ZFYVE16: variants seen among roughly 807,000 people sequenced by gnomAD.
ZFYVE16 encodes zinc finger FYVE domain-containing protein 16.
In ZFYVE16, 89 loss-of-function variants were observed where a neutral mutation model predicts 138.1. The observed-to-expected ratio is 0.64, with a 90% confidence interval of 0.54 to 0.77. The LOEUF is 0.77. Among genes scored for constraint, ZFYVE16 ranks in the 30% least tolerant of loss-of-function variants. The probability of loss-of-function intolerance (pLI) is 0.00; values close to 1 mark genes in which losing one functional copy is unlikely to be tolerated. For missense variants in ZFYVE16, 1,793 were observed against 1,786.7 expected (o/e 1.00, Z -0.06); for synonymous variants, 596 against 618.3 (o/e 0.96, Z 0.53).
Position 80,472,785 on chromosome 5 carries a change from C to G in ZFYVE16, c.4049C>G (p.Pro1350Arg), listed in dbSNP as rs200718663. Reference sequence around the variant, plus strand: ...GATGGCTTAATGGTACAAATAACTCCAGAGACCATGAATGGCTTGCGGCTA... The same window carrying G: ...GATGGCTTAATGGTACAAATAACTCGAGAGACCATGAATGGCTTGCGGCTA... ...VEDGLMVQIT[P>R]ETMNGLRLAL... is the part of the protein sequence containing the mutation. Residue 1350 changes from proline (P) to arginine (R), a missense_variant, in exon 16 of 19, where the codon CCA (proline) becomes CGA (arginine). Pro to Arg is a moderately radical substitution (Grantham distance 103). Transcript: ENST00000505560. 167 of 1,613,772 alleles carry G rather than the reference C, an allele frequency of 1.0e-4. No individual in the cohort carries two copies. In the East Asian group the frequency reaches 3.2e-3, roughly 31 times the overall value.
chr5:80,433,128 A>C (rs2112328552), intron 2 of ZFYVE16, among the ~76,000 whole-genome samples: 1 of 152,314 alleles, frequency 6.6e-6, no homozygotes, highest in Non-Finnish European at 1.5e-5. Flanking sequence ...CTATAAAGAC[A>C]CATGCACACA....
chr5:80,437,260 T>C lies in ZFYVE16; in HGVS notation c.575T>C (p.Ile192Thr), dbSNP rs2544600. ...SDTVREQQND[I>T]SSELQNREIG... The stretch of plus-strand genomic sequence containing the variant: ...ACTGTCAGAGAACAACAGAATGATA[T>C]CAGTTCTGAATTACAAAATAGAGAA... Residue 192 changes from isoleucine to threonine, a missense_variant, in exon 4 of 19, where the codon ATC (isoleucine) becomes ACC (threonine). This residue lies in a region of ZFYVE16 where 1,295 missense variants were observed against 1,204.3 expected (regional missense o/e 1.08). Coordinates refer to ENST00000505560, the MANE Select transcript of ZFYVE16 (RefSeq NM_001284236.3). 1,425,424 of 1,613,286 alleles carry C rather than the reference T, an allele frequency of 0.88. 637,752 individuals carry two copies. The highest frequency in any genetic ancestry group is 0.94 in the East Asian group (42,334 of 44,844).
intron 15 of ZFYVE16, among the ~76,000 whole-genome samples, chr5:80,471,122 C>T (rs903645566): frequency 9.2e-5 from 14 of 152,140 alleles, no homozygotes; most frequent in Admixed American, 2.6e-4. Context: ...AGCCTATAAA[C>T]GGATGCATGG....
chr5:80,451,806 G>C (rs1042775456), intron 11 of ZFYVE16, 97 bp downstream of exon 11: 10 of 1,193,474 alleles, frequency 8.4e-6, no homozygotes, highest in Non-Finnish European at 1.2e-5. Context: ...ATGGATTAAT[G>C]GAACTACTTT....
In ZFYVE16 at chr5:80,415,829, G is replaced by A. The variant is rs535076284; in HGVS notation, c.-94+7676G>A. Among the ~76,000 whole-genome samples the A allele has an allele frequency of 5.9e-5, 9 of 152,010 alleles. No homozygotes were observed. In the South Asian group the frequency reaches 1.5e-3, roughly 25 times the overall value. On this transcript the variant is annotated intron_variant, in intron 1 of 18. Transcript: ENST00000505560. ...ATTACAGGCACGTGCCACCACACCC[G>A]GCTAATTTTTGTATTTTTAGTAGAG... is the stretch of plus-strand genomic sequence containing the variant.
chr5:80,458,287 T>C (rs1752745418), intron 14 of ZFYVE16, among the ~76,000 whole-genome samples: 1 of 152,122 alleles, frequency 6.6e-6, no homozygotes, highest in Non-Finnish European at 1.5e-5. Flanking sequence ...AAGTTATTAA[T>C]ATTTATAGTG....
At position 80,437,823 on chromosome 5, in the gene ZFYVE16, G is replaced by A; in HGVS notation, c.1138G>A (p.Ala380Thr). 3 of 1,614,040 alleles carry A rather than the reference G, an allele frequency of 1.9e-6. No homozygotes were observed. Among genetic ancestry groups the A allele is most frequent in the Non-Finnish European group, 2.5e-6 (3 of 1,179,964 alleles). Residue 380 changes from alanine (A) to threonine (T), a missense_variant, in exon 4 of 19, where the codon GCG becomes ACG. Ala to Thr is a moderately conservative substitution (Grantham distance 58). Coordinates refer to ENST00000505560, the MANE Select transcript of ZFYVE16 (RefSeq NM_001284236.3). ...GCCGTCCTCATTGTCCTGTCTTCCT[G>A]CGTCTGGGTCTATGTGTGGATCATT... ...DVPSSLSCLP[A>T]SGSMCGSLIE...
intron 1 of ZFYVE16, among the ~76,000 whole-genome samples, chr5:80,419,947 G>A (rs1320778615): frequency 1.3e-5 from 2 of 151,580 alleles, no homozygotes; most frequent in Non-Finnish European, 2.9e-5. Flanking sequence ...GAGTAGCTGG[G>A]ATTACAGGTA....
At chr5:80,440,237 T>C (rs534843259) in intron 5 of ZFYVE16, 1 of 1,181,802 alleles carries the variant, frequency 8.5e-7, no homozygotes, top group African/African-American at 1.6e-5. Context: ...AAAGGAAGCA[T>C]TCAGTTTCTG....
At chr5:80,459,061 A>C (rs553283958) in intron 14 of ZFYVE16, among the ~76,000 whole-genome samples, 3 of 152,140 alleles carry the variant, frequency 2.0e-5, no homozygotes, top group Admixed American at 1.3e-4. Flanking sequence ...CTGAGTGGCC[A>C]GGATTATAGG....
In ZFYVE16 at chr5:80,469,205, C is replaced by A. The variant is rs142005963; in HGVS notation, c.4025-3556C>A. Reference sequence around the variant, plus strand: ...GCAGCCTCAACCTCCAAGGCTCAGGCAGTCCTCCCATCTCAGCCTCCTGAG... The same window carrying A: ...GCAGCCTCAACCTCCAAGGCTCAGGAAGTCCTCCCATCTCAGCCTCCTGAG... On this transcript the variant is annotated intron_variant, in intron 15 of 18. Coordinates refer to ENST00000505560, the MANE Select transcript of ZFYVE16 (RefSeq NM_001284236.3). Among the ~76,000 whole-genome samples, 145 of 151,458 alleles carry A rather than the reference C, an allele frequency of 9.6e-4. 3 individuals are homozygous for A. Among genetic ancestry groups the A allele is most frequent in the African/African-American group, 3.2e-3 (132 of 41,202 alleles).
chr5:80,426,226 GTGTA>G (rs1157592312), intron 1 of ZFYVE16, among the ~76,000 whole-genome samples: 51 of 116,124 alleles, frequency 4.4e-4, no homozygotes, highest in African/African-American at 7.6e-4. Flanking sequence ...GTGTGTGTGT[GTGTA>G]TGTGTGTGTG....
intron 15 of ZFYVE16, among the ~76,000 whole-genome samples, chr5:80,461,336 A>T (rs1753087460): frequency 6.6e-6 from 1 of 152,246 alleles, no homozygotes; most frequent in Admixed American, 6.5e-5. Flanking sequence ...ATCAGTAGTC[A>T]GTCACATTAC....
chr5:80,477,443 G>T lies in ZFYVE16; in HGVS notation c.*66G>T. On this transcript the variant is annotated 3_prime_UTR_variant, in exon 19 of 19. Transcript: ENST00000505560. The stretch of plus-strand genomic sequence containing the variant: ...TAAAACTAACTCCAGCACTAAAGCT[G>T]AAATGCCACAAACACTAAAAGTATA... The T allele has an allele frequency of 6.9e-7, 1 of 1,448,476 alleles. No individual in the cohort carries two copies. The highest frequency in any genetic ancestry group is 9.3e-7 in the Non-Finnish European group (1 of 1,078,868). 89.7% of individuals were successfully genotyped at this position (1,448,476 alleles called of 1,614,324 possible). A position where few individuals can be genotyped will look rare whatever the true frequency, so the allele number is the denominator to read the frequency against.
At chr5:80,426,234 GTGTGTGTC>G (rs1748002269) in intron 1 of ZFYVE16, among the ~76,000 whole-genome samples, 3 of 132,022 alleles carry the variant, frequency 2.3e-5, no homozygotes, top group Non-Finnish European at 3.1e-5. Context: ...GTGTGTATGT[GTGTGTGTC>G]TGTGTGTGTG....
At chr5:80,473,521 G>T (rs902991272) in intron 16 of ZFYVE16, among the ~76,000 whole-genome samples, 5 of 152,040 alleles carry the variant, frequency 3.3e-5, no homozygotes, top group Non-Finnish European at 7.4e-5. Context: ...TAAACTTGAG[G>T]TCTGAATTTG....
At chr5:80,443,078 C>G in intron 5 of ZFYVE16, 45 bp from the exon 6 acceptor site, 1 of 1,462,734 alleles carries the variant, frequency 6.8e-7, no homozygotes, top group East Asian at 2.7e-5. Flanking sequence ...GAAGTAAATT[C>G]CAAAAACATC....
rs995193175 is a variant in ZFYVE16 at position 80,458,496 on chromosome 5, G to GT, written c.3944-910dup. Among the ~76,000 whole-genome samples, 9 of 151,632 alleles carry GT rather than the reference G, an allele frequency of 5.9e-5. No homozygotes were observed. In the South Asian group the frequency reaches 8.3e-4, roughly 14 times the overall value. On this transcript the variant is annotated intron_variant, in intron 14 of 18. Coordinates refer to ENST00000505560, the MANE Select transcript of ZFYVE16 (RefSeq NM_001284236.3). ...TAATATTTGCTCCATTCTATACCTT[G>GT]TTTTTTTTGTTGTTGTTAACACACT...
rs76461545 is a variant in ZFYVE16, at chr5:80,444,508, T to C, written c.2582-755T>C. On this transcript the variant is annotated intron_variant, in intron 6 of 18. Coordinates refer to ENST00000505560, the MANE Select transcript of ZFYVE16 (RefSeq NM_001284236.3). ...CAGAGATTTTCGTAACCTTCCTCTA[T>C]GGATGCTTTGTAAGAAAAGAGAAAA... 9.3e-3 allele frequency among the ~76,000 whole-genome samples: 1,404 copies of C among 151,664 alleles called. 30 individuals are homozygous for C. Among genetic ancestry groups the C allele is most frequent in the African/African-American group, 0.032 (1,334 of 41,456 alleles).
Sources: allele counts gnomAD v4.1 joint callset (sites outside exome capture counted in the v4.1 genomes callset), GRCh38; gene constraint gnomAD v4.1.1; regional missense constraint gnomAD v4.1.1; transcripts MANE v1.5; gene names NCBI Gene and HGNC (gene_info 2026-07-23, HGNC 2026-07-21).